DSP: variants seen among roughly 807,000 people sequenced by gnomAD.
DSP encodes desmoplakin.
In DSP, 114 loss-of-function variants were observed where a neutral mutation model predicts 290.6. The ratio of observed to expected loss-of-function variants is 0.39; its 90% CI spans 0.34 to 0.46. DSP has a LOEUF of 0.46. Ranked by LOEUF, DSP falls within the 20% of genes least tolerant of loss-of-function variation. DSP has a pLI of 0.99. For synonymous variants in DSP, 1,311 were observed against 1,316.4 expected (o/e 1.00, Z 0.09); for missense variants, 3,230 against 3,495.8 (o/e 0.92, Z 1.92).
intron 23 of DSP, among the ~76,000 whole-genome samples, chr6:7,581,895 C>T (rs1759450127): frequency 6.6e-6 from 1 of 152,074 alleles, no homozygotes. Flanking sequence ...ATTTAGTGAG[C>T]TATGACATAC....
chr6:7,573,343 C>G (rs1306839227), intron 15 of DSP, among the ~76,000 whole-genome samples: 1 of 152,060 alleles, frequency 6.6e-6, no homozygotes, highest in African/African-American at 2.4e-5. Context: ...CTTTGGGAGG[C>G]CGAGGCGGGT....
chr6:7,553,582 C>T (rs554886399), intron 1 of DSP, among the ~76,000 whole-genome samples: 1 of 152,258 alleles, frequency 6.6e-6, no homozygotes, highest in East Asian at 1.9e-4. Context: ...GAATTTCTTT[C>T]CTCTGTTTGA....
At position 7,576,948 on chromosome 6, in the gene DSP, T is replaced by C. The variant is rs760243896; in HGVS notation, c.2794-11T>C. The C allele has an allele frequency of 6.2e-7, 1 of 1,611,336 alleles. No individual in the cohort carries two copies. The highest frequency in any genetic ancestry group is 8.5e-7 in the Non-Finnish European group (1 of 1,177,898). ...GCATTAACATTGGTAAATATTTCAC[T>C]TTTTGTATAGAACTTGCACAGTGAA... On this transcript the variant is annotated splice_polypyrimidine_tract_variant and intron_variant, in intron 19 of 23. Transcript: ENST00000379802.
chr6:7,567,628 G>A (rs557588638), intron 9 of DSP, among the ~76,000 whole-genome samples, 153 bp from the exon 10 acceptor site: 14 of 152,160 alleles, frequency 9.2e-5, no homozygotes, highest in East Asian at 1.9e-4. Context: ...ATAGTTTCCC[G>A]CTGCCACATA....
In DSP at chr6:7,580,957, C is replaced by T. The variant is rs763203149; in HGVS notation, c.4767C>T (p.Cys1589=). The change falls in exon 23 of 24, where the codon TGC becomes TGT. Residue 1589 remains cysteine, a synonymous_variant. Transcript: ENST00000379802. The surrounding 1 kb of genome is among the most constrained non-coding windows in gnomAD (Gnocchi z 4.2). ...RLKRTASEDS[C]KRKKLEEELE... The stretch of plus-strand genomic sequence containing the variant: ...AGAGGACCGCGTCAGAAGACTCCTG[C>T]AAGAGGAAGAAGCTGGAGGAAGAGC... 8.1e-6 allele frequency: 13 copies of T among 1,613,896 alleles called. No individual in the cohort carries two copies. In the African/African-American group the frequency reaches 1.5e-4, roughly 18 times the overall value.
intron 1 of DSP, among the ~76,000 whole-genome samples, chr6:7,554,125 A>ACACACACG (rs772041102): frequency 4.2e-5 from 6 of 144,400 alleles, no homozygotes; most frequent in Non-Finnish European, 7.5e-5. Context: ...ACACACACAC[A>ACACACACG]CCCAGTTGGT....
Position 7,583,324 on chromosome 6 carries a change from C to A in DSP, c.6062C>A (p.Ala2021Glu), listed in dbSNP as rs760673242. The A allele has an allele frequency of 6.2e-7, 1 of 1,614,174 alleles. No homozygotes were observed. The highest frequency in any genetic ancestry group is 8.5e-7 in the Non-Finnish European group (1 of 1,180,032). Residue 2021 changes from alanine to glutamate, a missense_variant, in exon 24 of 24, where the codon GCA becomes GAA. Around this residue, in one of 5 missense-constraint regions of DSP, gnomAD observed 1,714 missense variants for 1,844.5 expected, o/e 0.93. Transcript: ENST00000379802. The surrounding 1 kb of genome is among the most constrained non-coding windows in gnomAD (Gnocchi z 4.0). ...FLRGAGSIAG[A>E]SASPKEKYSL... ...CGGGGTGCAGGATCTATCGCTGGAG[C>A]ATCTGCTTCTCCTAAGGAAAAATAC...
Position 7,578,461 on chromosome 6 carries a change from A to C in DSP, c.2986-3A>C, listed in dbSNP as rs1462573597. On this transcript the variant is annotated splice_polypyrimidine_tract_variant and splice_region_variant and intron_variant, in intron 21 of 23. Transcript: ENST00000379802. ...TTTCTTTCTTTCCTTCCTTTTCTCC[A>C]AGGCTGCAGATGTTCATGCTCGGTA... 2 of 1,612,870 alleles carry C rather than the reference A, an allele frequency of 1.2e-6. No homozygotes were observed. The highest frequency in any genetic ancestry group is 1.7e-6 in the Non-Finnish European group (2 of 1,179,214).
chr6:7,573,057 A>T (rs1581807441), intron 15 of DSP, among the ~76,000 whole-genome samples: 1 of 152,022 alleles, frequency 6.6e-6, no homozygotes, highest in African/African-American at 2.4e-5. Flanking sequence ...GCAGGGAGCT[A>T]TGATTGTACC....
chr6:7,563,423 A>G (rs745638186), intron 5 of DSP, among the ~76,000 whole-genome samples: 2 of 147,718 alleles, frequency 1.4e-5, no homozygotes, highest in Non-Finnish European at 3.0e-5. Flanking sequence ...TTTCTCCTTC[A>G]TTTCTCTAAG....
chr6:7,585,960 G>A lies in DSP; in HGVS notation c.*82G>A. 1 of 1,389,504 alleles carries A rather than the reference G, an allele frequency of 7.2e-7. No homozygotes were observed. 86.1% of individuals were successfully genotyped at this position (1,389,504 alleles called of 1,614,324 possible). A position where few individuals can be genotyped will look rare whatever the true frequency, so the allele number is the denominator to read the frequency against. On this transcript the variant is annotated 3_prime_UTR_variant, in exon 24 of 24. Coordinates refer to ENST00000379802, the MANE Select transcript of DSP (RefSeq NM_004415.4). The stretch of plus-strand genomic sequence containing the variant: ...ATTAAATAATAGAAAAGAAAATCCC[G>A]GTGCTTGCAGTAGAGTGATAGGACA...
Position 7,585,458 on chromosome 6 carries a change from C to G in DSP, c.8196C>G (p.Leu2732=). Residue 2732 remains leucine (L), a synonymous_variant, in exon 24 of 24, where the codon CTC becomes CTG. Transcript: ENST00000379802. ...AGQRFLEFQY[L]TGGLVDPEVH... is the part of the protein sequence containing the mutation. ...AGCGCTTCCTGGAGTTCCAGTACCT[C>G]ACGGGAGGTCTTGTTGACCCGGAAG... 3.1e-6 allele frequency: 5 copies of G among 1,614,166 alleles called. No individual in the cohort carries two copies. The East Asian group carries it at 1.1e-4, about 36-fold the overall frequency.
chr6:7,573,255 C>T (rs981415977), intron 15 of DSP, among the ~76,000 whole-genome samples: 2 of 152,102 alleles, frequency 1.3e-5, no homozygotes, highest in Admixed American at 6.6e-5. Flanking sequence ...TACACACACA[C>T]AGTGGGGTAC....
Position 7,580,787 on chromosome 6 carries a change from C to G in DSP, c.4597C>G (p.Gln1533Glu). Residue 1533 changes from glutamine (Q) to glutamate (E), a missense_variant, in exon 23 of 24, where the codon CAA becomes GAA. Physicochemically the swap from Gln to Glu is conservative, Grantham distance 29 (BLOSUM62 2). Transcript: ENST00000379802. This position sits in a 1 kb window ranked among gnomAD's most constrained non-coding sequence, Gnocchi z 4.2. ...AATAAACAAACTGAAGGTTCAGGAG[C>G]AAGAACTGACACGCCTGAGGATCGA... ...ETINKLKVQE[Q>E]ELTRLRIDYE... The G allele has an allele frequency of 6.2e-7, 1 of 1,614,106 alleles. No individual in the cohort carries two copies. The highest frequency in any genetic ancestry group is 8.5e-7 in the Non-Finnish European group (1 of 1,180,038).
chr6:7,543,205 G>C (rs1190846976), intron 1 of DSP, among the ~76,000 whole-genome samples: 1 of 151,940 alleles, frequency 6.6e-6, no homozygotes, highest in African/African-American at 2.4e-5. Context: ...TTTTGGGAAA[G>C]AGGCCCTGAG....
chr6:7,560,675 C>T (rs1163353322), intron 4 of DSP, among the ~76,000 whole-genome samples: 2 of 152,168 alleles, frequency 1.3e-5, no homozygotes, highest in Non-Finnish European at 2.9e-5. Flanking sequence ...GTGGCCAGCT[C>T]CTGTGGAGTG....
chr6:7,546,565 A>G (rs189131216), intron 1 of DSP, among the ~76,000 whole-genome samples: 1 of 152,332 alleles, frequency 6.6e-6, no homozygotes, highest in Non-Finnish European at 1.5e-5. Context: ...TCACACAGCT[A>G]GTTAAGTTGT....
chr6:7,581,081 G>T lies in DSP; in HGVS notation c.4891G>T (p.Asp1631Tyr), dbSNP rs780529415. 4 of 1,614,018 alleles carry T rather than the reference G, an allele frequency of 2.5e-6. No individual in the cohort carries two copies. The highest frequency in any genetic ancestry group is 3.4e-6 in the Non-Finnish European group (4 of 1,180,014). The change falls in exon 23 of 24, where the codon GAT becomes TAT. Residue 1631 changes from aspartate (D) to tyrosine (Y), a missense_variant. Physicochemically the swap from Asp to Tyr is radical, Grantham distance 160 (BLOSUM62 -3). Coordinates refer to ENST00000379802, the MANE Select transcript of DSP (RefSeq NM_004415.4). ...QASIVKKRSE[D>Y]DLRQQRDVLD... ...ATCCATTGTTAAGAAGAGGAGTGAG[G>T]ATGACCTCCGGCAGCAGAGGGACGT...
intron 15 of DSP, 86 bp downstream of exon 15, chr6:7,572,154 T>C (rs1046692301): frequency 1.5e-4 from 178 of 1,207,094 alleles, no homozygotes; most frequent in African/African-American, 1.2e-3. Flanking sequence ...GTTTAAATGT[T>C]TGTAGGCAAA....
Sources: gnomAD v4.1 joint callset for allele counts (sites outside exome capture counted in the v4.1 genomes callset) on GRCh38, gnomAD v4.1.1 for gene constraint, gnomAD v4.1.1 regional missense constraint, Gnocchi (gnomAD v3.1) non-coding constraint, MANE v1.5 for transcripts, NCBI Gene and HGNC (gene_info 2026-07-23, HGNC 2026-07-21) for gene names.